The following STAC variants were observed in gnomAD, a reference collection of about 807,000 sequenced individuals.
STAC encodes the protein SH3 and cysteine rich domain, also known as SH3 and cysteine-rich domain-containing protein.
STAC carries 43 observed loss-of-function variants against 48.8 expected under a neutral mutation model. The ratio of observed to expected loss-of-function variants is 0.88; its 90% CI spans 0.69 to 1.14. STAC has a LOEUF of 1.14. Ranked by LOEUF, STAC falls within the 50% of genes most tolerant of loss-of-function variation. STAC has a pLI of 0.00. For synonymous variants in STAC, 193 were observed against 179.5 expected (o/e 1.07, Z -0.60); for missense variants, 497 against 504.0 (o/e 0.99, Z 0.13).
intron 2 of STAC, among the ~76,000 whole-genome samples, chr3:36,462,895 A>T (rs60505191): frequency 0.031 from 4,732 of 152,186 alleles, 218 homozygotes; most frequent in African/African-American, 0.11. Context: ...ATTTAGTCAC[A>T]GTTTATGTCA....
At chr3:36,419,334 A>G (rs901223196) in intron 1 of STAC, among the ~76,000 whole-genome samples, 10 of 152,174 alleles carry the variant, frequency 6.6e-5, no homozygotes, top group African/African-American at 1.2e-4. Context: ...AAATTTATTT[A>G]ATTGGAACAT....
rs1267980980 is a variant in STAC at position 36,448,908 on chromosome 3, C to CT, written c.388+5268_388+5269insT. On this transcript the variant is annotated intron_variant, in intron 2 of 10. Transcript: ENST00000273183. The stretch of plus-strand genomic sequence containing the variant: ...GCCTGGGCAAAACAGTGAACCCCCC[C>CT]CCCCACTCCCGACCCAGTCTCTAAA... Among the ~76,000 whole-genome samples, 22 of 146,514 alleles carry CT rather than the reference C, an allele frequency of 1.5e-4. No homozygotes were observed. In the Admixed American group the frequency reaches 1.5e-3, roughly 10 times the overall value.
At chr3:36,520,778 G>A (rs1698783396) in intron 8 of STAC, among the ~76,000 whole-genome samples, 1 of 152,114 alleles carries the variant, frequency 6.6e-6, no homozygotes, top group African/African-American at 2.4e-5. Flanking sequence ...AATGTGTTTA[G>A]CAGCCTCCCT....
At chr3:36,439,859 G>A (rs1038412756) in intron 1 of STAC, among the ~76,000 whole-genome samples, 21 of 152,278 alleles carry the variant, frequency 1.4e-4, no homozygotes, top group Admixed American at 9.2e-4. Context: ...CAAGGACACA[G>A]GACTCACTGC....
chr3:36,526,578 T>C (rs573684803), intron 8 of STAC, among the ~76,000 whole-genome samples: 3 of 152,208 alleles, frequency 2.0e-5, no homozygotes, highest in African/African-American at 2.4e-5. Context: ...GAGTGAGCCA[T>C]TGGGGTTTTG....
rs141515097 is a variant in STAC at position 36,437,401 on chromosome 3, A to G, written c.112-5963A>G. ...AAAATGTCCAACAATGTTAGACTGG[A>G]TTAAGAAAATGTGGCACATATACAC... On this transcript the variant is annotated intron_variant, in intron 1 of 10. Transcript: ENST00000273183. Among the ~76,000 whole-genome samples, 169 of 151,956 alleles carry G rather than the reference A, an allele frequency of 1.1e-3. 3 individuals carry two copies. In the East Asian group the frequency reaches 0.026, roughly 23 times the overall value.
intron 1 of STAC, among the ~76,000 whole-genome samples, chr3:36,415,699 T>C (rs1700304406): frequency 6.6e-6 from 1 of 152,166 alleles, no homozygotes; most frequent in Non-Finnish European, 1.5e-5. Flanking sequence ...ACCCATCTTC[T>C]GCGTCGCTCA....
chr3:36,527,214 A>C (rs1698957649), intron 8 of STAC, among the ~76,000 whole-genome samples: 1 of 152,244 alleles, frequency 6.6e-6, no homozygotes, highest in African/African-American at 2.4e-5. Flanking sequence ...AGAAGTAATA[A>C]GATAAAGGAT....
At chr3:36,398,807 T>A (rs1159000748) in intron 1 of STAC, among the ~76,000 whole-genome samples, 1 of 152,176 alleles carries the variant, frequency 6.6e-6, no homozygotes, top group Non-Finnish European at 1.5e-5. Context: ...CCTTCTGACA[T>A]ACAGGTTGCT....
Position 36,443,385 on chromosome 3 carries a change from C to T in STAC, c.133C>T (p.Leu45Phe). The T allele has an allele frequency of 6.2e-7, 1 of 1,614,218 alleles. No homozygotes were observed. Among genetic ancestry groups the T allele is most frequent in the Non-Finnish European group, 8.5e-7 (1 of 1,180,046 alleles). Residue 45 changes from leucine (L) to phenylalanine (F), a missense_variant, in exon 2 of 11, where the codon CTT becomes TTT. Leu to Phe is a conservative substitution (Grantham distance 22). Coordinates refer to ENST00000273183, the MANE Select transcript of STAC (RefSeq NM_003149.3). The surrounding 1 kb of genome is among the most constrained non-coding windows in gnomAD (Gnocchi z 4.2). ...ESKLQKLKRS[L>F]SFKTKSLRSK... ...GCAGCTCCAGAAACTAAAACGATCACTTTCTTTCAAGACCAAGAGTTTACG... is the reference window on the plus strand; with the variant it reads ...GCAGCTCCAGAAACTAAAACGATCATTTTCTTTCAAGACCAAGAGTTTACG...
At chr3:36,475,122 A>T (rs1235151868) in intron 2 of STAC, among the ~76,000 whole-genome samples, 1 of 151,960 alleles carries the variant, frequency 6.6e-6, no homozygotes, top group Non-Finnish European at 1.5e-5. Context: ...TGTCTATATG[A>T]GAAGGGGAAA....
intron 6 of STAC, among the ~76,000 whole-genome samples, chr3:36,498,427 A>T (rs1486592658): frequency 6.6e-6 from 1 of 152,220 alleles, no homozygotes; most frequent in Non-Finnish European, 1.5e-5. Context: ...TAAGTCCAAC[A>T]TGCATCTAAG....
At chr3:36,545,061 G>T (rs2125507394) in intron 10 of STAC, among the ~76,000 whole-genome samples, 1 of 152,328 alleles carries the variant, frequency 6.6e-6, no homozygotes, top group Admixed American at 6.5e-5. Flanking sequence ...GCCTTGCTCA[G>T]ATCCCTTTCA....
chr3:36,472,104 G>A (rs1248955326), intron 2 of STAC, among the ~76,000 whole-genome samples: 4 of 152,194 alleles, frequency 2.6e-5, no homozygotes, highest in South Asian at 2.1e-4. Context: ...AAATCTAGGC[G>A]GAGGTTCCCA....
At chr3:36,506,519 A>G (rs148705370) in intron 8 of STAC, among the ~76,000 whole-genome samples, 6,395 of 152,244 alleles carry the variant, frequency 0.042, 163 homozygotes, top group Middle Eastern at 0.051. Flanking sequence ...TACTTTGGGC[A>G]GTATGGCCAT....
At chr3:36,414,587 T>C (rs1160794967) in intron 1 of STAC, among the ~76,000 whole-genome samples, 1 of 152,222 alleles carries the variant, frequency 6.6e-6, no homozygotes, top group African/African-American at 2.4e-5. Flanking sequence ...TAATCTTTTT[T>C]CAAGGTTTTT....
At chr3:36,418,677 A>G (rs2125642180) in intron 1 of STAC, among the ~76,000 whole-genome samples, 1 of 132,428 alleles carries the variant, frequency 7.6e-6, no homozygotes, top group Admixed American at 7.4e-5. Flanking sequence ...TTACAGTGTG[A>G]GATTAACCAT....
intron 1 of STAC, among the ~76,000 whole-genome samples, chr3:36,441,255 C>G (rs1696341976): frequency 6.6e-6 from 1 of 152,128 alleles, no homozygotes; most frequent in Non-Finnish European, 1.5e-5. Context: ...TCTCCCTGTG[C>G]TTGCCAGTCT....
chr3:36,545,201 C>T (rs1382252607), intron 10 of STAC, among the ~76,000 whole-genome samples: 1 of 152,204 alleles, frequency 6.6e-6, no homozygotes, highest in Non-Finnish European at 1.5e-5. Context: ...ACACTACAGG[C>T]CAGCCAATGG....
Sources: allele counts gnomAD v4.1 joint callset (sites outside exome capture counted in the v4.1 genomes callset), GRCh38; gene constraint gnomAD v4.1.1; non-coding constraint Gnocchi (gnomAD v3.1); transcripts MANE v1.5; gene names NCBI Gene and HGNC (gene_info 2026-07-23, HGNC 2026-07-21).